The following ABCC12 variants were observed in gnomAD, a reference collection of about 807,000 sequenced individuals.
ABCC12 encodes ATP-binding cassette sub-family C member 12.
In ABCC12, 142 loss-of-function variants were observed where a neutral mutation model predicts 151.1. That is an observed-to-expected ratio of 0.94 (90% CI 0.82 to 1.08). The LOEUF (loss-of-function observed/expected upper bound fraction) is 1.08, where lower values mean the gene tolerates loss of function less well. Ranked by LOEUF, ABCC12 falls within the 50% of genes least tolerant of loss-of-function variation. The pLI, the probability that ABCC12 is intolerant of heterozygous loss-of-function variation, is 0.00. For missense variants in ABCC12, 1,638 were observed against 1,691.1 expected (o/e 0.97, Z 0.55); for synonymous variants, 645 against 646.4 (o/e 1.00, Z 0.03).
intron 15 of ABCC12, among the ~76,000 whole-genome samples, chr16:48,112,674 G>A (rs1963738423): frequency 6.6e-6 from 1 of 152,144 alleles, no homozygotes. Flanking sequence ...GCCAGGACTT[G>A]GTAGGGAGGG....
intron 29 of ABCC12, 40 bp from the exon 30 acceptor site, chr16:48,084,113 G>A: frequency 6.4e-7 from 1 of 1,561,338 alleles, no homozygotes; most frequent in Non-Finnish European, 8.6e-7. Flanking sequence ...GGCGCACTGA[G>A]AGGGGAATTT....
intron 25 of ABCC12, among the ~76,000 whole-genome samples, chr16:48,089,439 G>GA (rs995344133): frequency 3.8e-4 from 56 of 148,622 alleles, no homozygotes; most frequent in Admixed American, 1.9e-3. Flanking sequence ...AGACATACAT[G>GA]AAAAAAAAAA....
intron 12 of ABCC12, among the ~76,000 whole-genome samples, chr16:48,123,740 C>T (rs1415971402): frequency 1.3e-5 from 2 of 152,198 alleles, no homozygotes; most frequent in Non-Finnish European, 2.9e-5. Context: ...GGGACAATGA[C>T]CCAAGTCCCC....
chr16:48,142,293 G>T (rs1332345338), intron 4 of ABCC12, among the ~76,000 whole-genome samples: 1 of 152,226 alleles, frequency 6.6e-6, no homozygotes, highest in East Asian at 1.9e-4. Flanking sequence ...TTCAGAGTCT[G>T]GAAGTGGGCT....
chr16:48,085,532 A>T, intron 29 of ABCC12, 61 bp downstream of exon 29: 1 of 1,449,734 alleles, frequency 6.9e-7, no homozygotes, highest in South Asian at 1.1e-5. Flanking sequence ...TGCCTCCTGG[A>T]TTGAGTGGCG....
intron 21 of ABCC12, among the ~76,000 whole-genome samples, 171 bp from the exon 22 acceptor site, chr16:48,104,539 C>G (rs1597307887): frequency 6.6e-6 from 1 of 152,120 alleles, no homozygotes; most frequent in Non-Finnish European, 1.5e-5. Context: ...TTGCGGCCAC[C>G]GTGAATGAGT....
At chr16:48,098,459 C>T (rs189339486) in intron 23 of ABCC12, among the ~76,000 whole-genome samples, 1 of 152,350 alleles carries the variant, frequency 6.6e-6, no homozygotes, top group East Asian at 1.9e-4. Context: ...CTGGAAGCCC[C>T]TCTGACCAGC....
chr16:48,132,515 T>TTCTC (rs546494578), intron 9 of ABCC12, among the ~76,000 whole-genome samples: 3 of 151,766 alleles, frequency 2.0e-5, no homozygotes, highest in South Asian at 2.1e-4. Context: ...GCTTATTTCC[T>TTCTC]TCTCTCTCTC....
Position 48,117,434 on chromosome 16 carries a change from CA to C in ABCC12, c.1713-102del, listed in dbSNP as rs1464631569. 9.1e-6 allele frequency: 12 copies of C among 1,318,232 alleles called. No individual in the cohort carries two copies. The East Asian group carries it at 9.8e-5, about 11-fold the overall frequency. The allele number at this position is 1,318,232 out of a possible 1,614,324, so 81.7% of individuals were successfully genotyped here. On this transcript the variant is annotated intron_variant, in intron 13 of 30. Coordinates refer to ENST00000311303, the MANE Select transcript of ABCC12 (RefSeq NM_001393797.1). ...GCTGCTGGTGTTGCTGGGGCAAGGC[CA>C]GGGGTGGCGGCTGCTATGTCCAAGG...
chr16:48,106,070 T>G (rs1231065513), intron 20 of ABCC12, among the ~76,000 whole-genome samples: 1 of 152,240 alleles, frequency 6.6e-6, no homozygotes, highest in Admixed American at 6.5e-5. Flanking sequence ...TTCTCTGGGC[T>G]GTGTACTAAA....
intron 29 of ABCC12, among the ~76,000 whole-genome samples, chr16:48,085,108 G>A (rs1344943126): frequency 6.6e-6 from 1 of 152,092 alleles, no homozygotes; most frequent in Non-Finnish European, 1.5e-5. Flanking sequence ...TCACATCTTT[G>A]ATGAGGCTTC....
chr16:48,125,441 G>T (rs1338961762), intron 11 of ABCC12, among the ~76,000 whole-genome samples: 1 of 152,216 alleles, frequency 6.6e-6, no homozygotes, highest in Admixed American at 6.5e-5. Context: ...GCAGTTGTAA[G>T]ATGGCCAGGA....
At chr16:48,133,934 G>A (rs1036294839) in intron 8 of ABCC12, 99 bp from the exon 9 acceptor site, 31 of 1,393,512 alleles carry the variant, frequency 2.2e-5, no homozygotes, top group Admixed American at 5.9e-5. Flanking sequence ...CCAGATGGGC[G>A]CTCATGAGTC....
intron 13 of ABCC12, among the ~76,000 whole-genome samples, chr16:48,118,369 A>G (rs1963960829): frequency 6.6e-6 from 1 of 152,172 alleles, no homozygotes; most frequent in Admixed American, 6.5e-5. Context: ...GCCCCCGCAC[A>G]GCCGCCTTGG....
chr16:48,122,606 G>A (rs766685319), intron 12 of ABCC12, among the ~76,000 whole-genome samples: 13 of 152,134 alleles, frequency 8.5e-5, no homozygotes, highest in African/African-American at 7.2e-5. Flanking sequence ...TGATGCTCAC[G>A]GGGCAGTGGC....
intron 26 of ABCC12, 130 bp from the exon 27 acceptor site, chr16:48,088,215 G>C: frequency 8.7e-7 from 1 of 1,151,378 alleles, no homozygotes; most frequent in South Asian, 1.5e-5. Context: ...TAGACAGAAA[G>C]TGTCCTCACC....
intron 13 of ABCC12, among the ~76,000 whole-genome samples, chr16:48,120,352 C>T (rs903008855): frequency 6.6e-6 from 1 of 152,090 alleles, no homozygotes; most frequent in Non-Finnish European, 1.5e-5. Flanking sequence ...GGATGAACAG[C>T]TTCCTATTGG....
chr16:48,110,823 T>A (rs1221223618), intron 18 of ABCC12, among the ~76,000 whole-genome samples: 1 of 152,216 alleles, frequency 6.6e-6, no homozygotes, highest in Non-Finnish European at 1.5e-5. Context: ...TTCCCATAGT[T>A]ACCCATCTGC....
chr16:48,112,260 T>C (rs914558686), intron 15 of ABCC12, among the ~76,000 whole-genome samples: 1 of 152,178 alleles, frequency 6.6e-6, no homozygotes, highest in Non-Finnish European at 1.5e-5. Flanking sequence ...GAACACTGAA[T>C]CTTCCTTTGC....
Sources: gnomAD v4.1 joint callset for allele counts (sites outside exome capture counted in the v4.1 genomes callset) on GRCh38, gnomAD v4.1.1 for gene constraint, MANE v1.5 for transcripts, NCBI Gene and HGNC (gene_info 2026-07-23, HGNC 2026-07-21) for gene names.